Variants in LRRC20 observed in about 807,000 individuals in gnomAD.
LRRC20 encodes the protein leucine-rich repeat-containing protein 20.
A neutral mutation model predicts 14.4 loss-of-function variants in LRRC20; 11 were observed. That is an observed-to-expected ratio of 0.77 (90% CI 0.48 to 1.27). The LOEUF (loss-of-function observed/expected upper bound fraction) is 1.27, where lower values mean the gene tolerates loss of function less well. Ranked by LOEUF, LRRC20 falls within the 50% of genes most tolerant of loss-of-function variation. LRRC20 has a pLI of 0.00. For missense variants in LRRC20, 219 were observed against 251.2 expected, an observed-to-expected ratio of 0.87 and a Z score of 0.87; for synonymous variants, 121 against 107.3, an observed-to-expected ratio of 1.13 and a Z score of -0.79.
chr10:70,359,323 G>C (rs1397843928), intron 2 of LRRC20, among the ~76,000 whole-genome samples: 1 of 152,202 alleles, frequency 6.6e-6, no homozygotes, highest in Non-Finnish European at 1.5e-5. Flanking sequence ...TTGGGAGGCA[G>C]AGATGGGAGG....
intron 4 of LRRC20, among the ~76,000 whole-genome samples, chr10:70,309,636 C>T (rs1266315111): frequency 6.6e-6 from 1 of 152,258 alleles, no homozygotes; most frequent in African/African-American, 2.4e-5. Flanking sequence ...GAGCTGCTGT[C>T]ACCCCTTCTC....
chr10:70,302,957 G>A (rs1297731832), intron 4 of LRRC20, among the ~76,000 whole-genome samples: 7 of 151,596 alleles, frequency 4.6e-5, no homozygotes, highest in South Asian at 2.1e-4. Flanking sequence ...TGATCCGCCC[G>A]TCTCGGCCTC....
chr10:70,303,843 CA>C (rs979837312), intron 4 of LRRC20, among the ~76,000 whole-genome samples: 27 of 152,262 alleles, frequency 1.8e-4, no homozygotes, highest in African/African-American at 6.0e-4. Flanking sequence ...TTTCCTCAAA[CA>C]GAATTAAATT....
chr10:70,362,884 T>C (rs1449561772), intron 2 of LRRC20, among the ~76,000 whole-genome samples: 4 of 152,274 alleles, frequency 2.6e-5, no homozygotes, highest in East Asian at 1.9e-4. Context: ...TAATCTCTAA[T>C]GTGATGGCAT....
At chr10:70,322,398 C>T (rs983683294) in intron 4 of LRRC20, among the ~76,000 whole-genome samples, 4 of 152,144 alleles carry the variant, frequency 2.6e-5, no homozygotes, top group South Asian at 2.1e-4. Flanking sequence ...AGACGGGAGA[C>T]GAAGGACCCA....
chr10:70,342,225 G>A (rs961733928), intron 2 of LRRC20, among the ~76,000 whole-genome samples: 27 of 151,802 alleles, frequency 1.8e-4, no homozygotes, highest in African/African-American at 2.7e-4. Flanking sequence ...CATGAGAATC[G>A]CTTCAACCTG....
intron 3 of LRRC20, among the ~76,000 whole-genome samples, chr10:70,324,681 T>C (rs915278432): frequency 6.6e-6 from 1 of 151,932 alleles, no homozygotes; most frequent in East Asian, 1.9e-4. Flanking sequence ...GGGCCAGATA[T>C]AGTGTGGGCT....
chr10:70,333,340 A>G (rs1166210108), intron 3 of LRRC20, among the ~76,000 whole-genome samples: 1 of 152,152 alleles, frequency 6.6e-6, no homozygotes, highest in East Asian at 1.9e-4. Flanking sequence ...AAGACCCAGG[A>G]TGGAAGCGAT....
At chr10:70,371,357 A>T (rs1844259869) in intron 2 of LRRC20, among the ~76,000 whole-genome samples, 1 of 151,976 alleles carries the variant, frequency 6.6e-6, no homozygotes, top group South Asian at 2.1e-4. Context: ...AAATATAAGC[A>T]GTTAACATGT....
chr10:70,358,144 G>C (rs564588403), intron 2 of LRRC20, among the ~76,000 whole-genome samples: 1 of 152,208 alleles, frequency 6.6e-6, no homozygotes, highest in South Asian at 2.1e-4. Flanking sequence ...CTTTAACCCA[G>C]TGTCTTTGGG....
chr10:70,375,065 T>C (rs2137172201), intron 2 of LRRC20, among the ~76,000 whole-genome samples: 1 of 152,152 alleles, frequency 6.6e-6, no homozygotes, highest in Admixed American at 6.6e-5. Context: ...TGAACCGCAG[T>C]CTCAGTGGTA....
At chr10:70,333,966 A>G (rs1481939231) in intron 3 of LRRC20, among the ~76,000 whole-genome samples, 2 of 152,118 alleles carry the variant, frequency 1.3e-5, no homozygotes, top group East Asian at 1.9e-4. Flanking sequence ...CCTGACCAAC[A>G]TGGTTAAATC....
chr10:70,308,329 TG>T (rs1386457923), intron 4 of LRRC20, among the ~76,000 whole-genome samples: 2 of 151,530 alleles, frequency 1.3e-5, no homozygotes, highest in Non-Finnish European at 2.9e-5. Flanking sequence ...ACCCAGCCAG[TG>T]GGTAGCAAGG....
chr10:70,329,339 T>C (rs142320385), intron 3 of LRRC20, among the ~76,000 whole-genome samples: 147 of 152,340 alleles, frequency 9.6e-4, no homozygotes, highest in African/African-American at 3.4e-3. Flanking sequence ...TGTTGTTTTA[T>C]GGCAGTGGTT....
intron 2 of LRRC20, 126 bp downstream of exon 2, chr10:70,376,326 C>T (rs1844505256): frequency 3.2e-6 from 3 of 938,422 alleles, no homozygotes; most frequent in Admixed American, 2.1e-5. Context: ...AATGAAAGTT[C>T]CACAAAACAC....
chr10:70,358,079 C>G (rs895411628), intron 2 of LRRC20, among the ~76,000 whole-genome samples: 4 of 152,248 alleles, frequency 2.6e-5, no homozygotes, highest in African/African-American at 9.6e-5. Context: ...AGTTTGACAT[C>G]TTCTTGAGAA....
At chr10:70,372,484 C>T (rs1438927372) in intron 2 of LRRC20, among the ~76,000 whole-genome samples, 5 of 150,598 alleles carry the variant, frequency 3.3e-5, no homozygotes, top group Non-Finnish European at 5.9e-5. Context: ...CTCTGTCACC[C>T]AGGCTGGAGT....
At chr10:70,381,698 C>A (rs576384991) in intron 1 of LRRC20, 3 of 152,526 alleles carry the variant, frequency 2.0e-5, no homozygotes, top group Admixed American at 6.5e-5. Context: ...CTGGACCATG[C>A]CAAGCCGGGG....
At chr10:70,326,330 A>ACACG (rs1554838459) in intron 3 of LRRC20, among the ~76,000 whole-genome samples, 194 of 151,070 alleles carry the variant, frequency 1.3e-3, no homozygotes, top group African/African-American at 4.3e-3. Context: ...ACACACACAC[A>ACACG]CACGCACGCG....
Sources: allele counts gnomAD v4.1 joint callset (sites outside exome capture counted in the v4.1 genomes callset), GRCh38; gene constraint gnomAD v4.1.1; transcripts MANE v1.5; gene names NCBI Gene and HGNC (gene_info 2026-07-23, HGNC 2026-07-21).